The following HTRA1 variants were observed in gnomAD, a reference collection of about 807,000 sequenced individuals.
HTRA1 encodes the protein HtrA serine peptidase 1, also known as serine protease HTRA1.
Under a neutral mutation model 49.7 loss-of-function variants are expected in HTRA1, and 26 were observed. That is an observed-to-expected ratio of 0.52 (90% CI 0.38 to 0.73). HTRA1 has a LOEUF of 0.73. Among genes scored for constraint, HTRA1 ranks in the 30% least tolerant of loss-of-function variants. HTRA1 has a pLI of 0.00. For synonymous variants in HTRA1, 291 were observed against 286.9 expected (o/e 1.01, Z -0.14); for missense variants, 561 against 667.2 (o/e 0.84, Z 1.75).
intron 1 of HTRA1, among the ~76,000 whole-genome samples, chr10:122,467,891 A>G (rs2097484402): frequency 6.6e-6 from 1 of 152,168 alleles, no homozygotes; most frequent in Non-Finnish European, 1.5e-5. Context: ...GTGATTCAGC[A>G]CTACTTGGTG....
At chr10:122,483,883 C>T (rs987760068) in intron 1 of HTRA1, among the ~76,000 whole-genome samples, 2 of 152,168 alleles carry the variant, frequency 1.3e-5, no homozygotes, top group African/African-American at 2.4e-5. Context: ...GTTGCTAATA[C>T]ATAGAAATGA....
At chr10:122,505,590 C>A (rs2097502704) in intron 3 of HTRA1, among the ~76,000 whole-genome samples, 1 of 152,182 alleles carries the variant, frequency 6.6e-6, no homozygotes, top group Non-Finnish European at 1.5e-5. Context: ...CTGCTCCATC[C>A]CTGGTGGAGG....
intron 1 of HTRA1, among the ~76,000 whole-genome samples, chr10:122,465,141 A>G (rs1286395803): frequency 6.6e-6 from 1 of 152,188 alleles, no homozygotes; most frequent in African/African-American, 2.4e-5. Flanking sequence ...TTTATTGAAT[A>G]GACCTCAGAG....
chr10:122,497,742 G>C (rs1591036396), intron 3 of HTRA1, among the ~76,000 whole-genome samples: 1 of 152,226 alleles, frequency 6.6e-6, no homozygotes, highest in South Asian at 2.1e-4. Context: ...GATGTTTTAA[G>C]ACCTGGCTGG....
rs1025875703 is a variant in HTRA1 at position 122,487,766 on chromosome 10, C to A, written c.473-1136C>A. On this transcript the variant is annotated intron_variant, in intron 1 of 8. Transcript: ENST00000368984. The surrounding 1 kb of genome is among the most constrained non-coding windows in gnomAD (Gnocchi z 4.8). ...GCCTGTTGTTTCTAGGATGCACGCC[C>A]GTACAGTAGGTTACTGTACTGAATA... Among the ~76,000 whole-genome samples the A allele has an allele frequency of 6.6e-6, 1 of 152,108 alleles. No individual in the cohort carries two copies. Among genetic ancestry groups the A allele is most frequent in the South Asian group, 2.1e-4 (1 of 4,812 alleles).
intron 2 of HTRA1, 50 bp from the exon 3 acceptor site, chr10:122,489,372 G>A (rs775318797): frequency 4.8e-5 from 73 of 1,523,700 alleles, no homozygotes; most frequent in Middle Eastern, 1.7e-4. Context: ...GCGTTGAAGC[G>A]TTCATTTTAA....
At position 122,478,239 on chromosome 10, in the gene HTRA1, G is replaced by T. The variant is rs192965216; in HGVS notation, c.473-10663G>T. Among the ~76,000 whole-genome samples, 305 of 152,304 alleles carry T rather than the reference G, an allele frequency of 2.0e-3. 2 individuals are homozygous for T. The highest frequency in any genetic ancestry group is 6.7e-3 in the African/African-American group (277 of 41,568). On this transcript the variant is annotated intron_variant, in intron 1 of 8. Transcript: ENST00000368984. ...CATTAGAATGTAAATGTGAGGAAGC[G>T]TCAGCATGAGGGGCTTGCCTGGGCT...
chr10:122,472,761 T>C (rs1031868962), intron 1 of HTRA1, among the ~76,000 whole-genome samples: 2 of 152,164 alleles, frequency 1.3e-5, no homozygotes, highest in East Asian at 3.9e-4. Flanking sequence ...TCACATCCAT[T>C]TGGGCCAAGG....
At chr10:122,496,224 G>GTTTTTTTTTTTTTTTTTTTTTT (rs1565427091) in intron 3 of HTRA1, among the ~76,000 whole-genome samples, 3 of 32,106 alleles carry the variant, frequency 9.3e-5, no homozygotes, top group African/African-American at 1.6e-4. Context: ...AGAGATTGTG[G>GTTTTTTTTTTTTTTTTTTTTTT]GTTCTTTTTT....
intron 2 of HTRA1, 65 bp downstream of exon 2, chr10:122,489,066 A>AGCTATTT: frequency 8.7e-7 from 1 of 1,149,810 alleles, no homozygotes; most frequent in Non-Finnish European, 1.3e-6. Context: ...AAAACATGAG[A>AGCTATTT]GCTATTTTTG....
At chr10:122,502,745 C>T (rs996139809) in intron 3 of HTRA1, among the ~76,000 whole-genome samples, 1 of 152,166 alleles carries the variant, frequency 6.6e-6, no homozygotes, top group African/African-American at 2.4e-5. Context: ...GAAAGACTGT[C>T]GTCCCCAAAG....
At chr10:122,502,456 G>A (rs1021208549) in intron 3 of HTRA1, among the ~76,000 whole-genome samples, 1 of 152,166 alleles carries the variant, frequency 6.6e-6, no homozygotes, top group Non-Finnish European at 1.5e-5. Flanking sequence ...ATATGGTGGG[G>A]AGACCTGGAG....
chr10:122,513,356 T>A (rs2097506474), intron 8 of HTRA1, among the ~76,000 whole-genome samples: 1 of 152,140 alleles, frequency 6.6e-6, no homozygotes, highest in African/African-American at 2.4e-5. Flanking sequence ...CTGGCAGATA[T>A]CTGGCCAACT....
chr10:122,514,107 A>G, intron 8 of HTRA1, 84 bp from the exon 9 acceptor site: 1 of 1,348,918 alleles, frequency 7.4e-7, no homozygotes, highest in Non-Finnish European at 1.1e-6. Flanking sequence ...TTTAGGTTCT[A>G]AGCTGTGCCT....
Position 122,511,999 on chromosome 10 carries a change from G to A in HTRA1, c.1208G>A (p.Arg403Gln), listed in dbSNP as rs550675750. The A allele has an allele frequency of 2.5e-5, 40 of 1,613,936 alleles. No individual in the cohort carries two copies. The East Asian group carries it at 4.7e-4, about 19-fold the overall frequency. The part of the protein sequence containing the change: ...SKAKELKDRH[R>Q]DFPDVISGAY... ...GCCAAAGAGCTGAAGGACCGGCACCGGGACTTCCCAGACGTGATCTCAGGA... is the reference window on the plus strand; with the variant it reads ...GCCAAAGAGCTGAAGGACCGGCACCAGGACTTCCCAGACGTGATCTCAGGA... The change falls in exon 8 of 9, where the codon CGG becomes CAG. Residue 403 changes from arginine (R) to glutamine (Q), a missense_variant. Coordinates refer to ENST00000368984, the MANE Select transcript of HTRA1 (RefSeq NM_002775.5).
chr10:122,505,010 G>T (rs2097502464), intron 3 of HTRA1, among the ~76,000 whole-genome samples: 1 of 152,244 alleles, frequency 6.6e-6, no homozygotes, highest in Admixed American at 6.5e-5. Context: ...CCCGCTGTTG[G>T]ATTTGCACAG....
chr10:122,512,001 GACTTCCCAGA>G lies in HTRA1; in HGVS notation c.1211_1220del (p.Asp404AlafsTer2). On this transcript the variant is annotated frameshift_variant, in exon 8 of 9. Transcript: ENST00000368984. LOFTEE classifies it high-confidence loss of function. ...CAAAGAGCTGAAGGACCGGCACCGGGACTTCCCAGACGTGATCTCAGGAGCGTATATAATT... is the reference window on the plus strand; with the variant it reads ...CAAAGAGCTGAAGGACCGGCACCGGGCGTGATCTCAGGAGCGTATATAATT... 1 of 1,613,974 alleles carries G rather than the reference GACTTCCCAGA, an allele frequency of 6.2e-7. No individual in the cohort carries two copies. The highest frequency in any genetic ancestry group is 8.5e-7 in the Non-Finnish European group (1 of 1,179,954).
chr10:122,478,392 A>ATTTTTTTTTTTTT (rs34977432), intron 1 of HTRA1, among the ~76,000 whole-genome samples: 1 of 119,102 alleles, frequency 8.4e-6, no homozygotes, highest in Non-Finnish European at 1.7e-5. Context: ...AGTTTGACAG[A>ATTTTTTTTTTTTT]TTTTTTTTTT....
chr10:122,507,894 T>C (rs529432890), intron 5 of HTRA1, among the ~76,000 whole-genome samples: 1 of 150,786 alleles, frequency 6.6e-6, no homozygotes, highest in East Asian at 1.9e-4. Flanking sequence ...ACTTAAGTCT[T>C]CCCTTAAATA....
Sources: allele counts gnomAD v4.1 joint callset (sites outside exome capture counted in the v4.1 genomes callset), GRCh38; gene constraint gnomAD v4.1.1; non-coding constraint Gnocchi (gnomAD v3.1); transcripts MANE v1.5; gene names NCBI Gene and HGNC (gene_info 2026-07-23, HGNC 2026-07-21).